The following TNR variants were observed in gnomAD, a reference collection of about 807,000 sequenced individuals.
TNR encodes tenascin-R.
Under a neutral mutation model 150.4 loss-of-function variants are expected in TNR, and 45 were observed. That is an observed-to-expected ratio of 0.30 (90% CI 0.24 to 0.38). The LOEUF is 0.38. TNR is among the 10% of genes least tolerant of loss of function. The pLI is 1.00. For missense variants in TNR, 1,544 were observed against 1,759.1 expected (o/e 0.88, Z 2.19); for synonymous variants, 687 against 678.4 (o/e 1.01, Z -0.20).
chr1:175,334,132 G>A (rs187760451), intron 20 of TNR, among the ~76,000 whole-genome samples: 70 of 152,200 alleles, frequency 4.6e-4, no homozygotes, highest in African/African-American at 1.1e-3. Context: ...CCATATTTGG[G>A]GTGTGAGGAA....
chr1:175,448,132 C>T (rs1252355258), intron 2 of TNR, among the ~76,000 whole-genome samples: 3 of 152,114 alleles, frequency 2.0e-5, no homozygotes. Flanking sequence ...AACTTGGCTT[C>T]TCTGATTAGG....
At chr1:175,453,461 T>C (rs1656419014) in intron 2 of TNR, among the ~76,000 whole-genome samples, 1 of 152,192 alleles carries the variant, frequency 6.6e-6, no homozygotes, top group South Asian at 2.1e-4. Flanking sequence ...AGGGGACCTC[T>C]CTGGGGACAC....
At chr1:175,705,152 GT>G (rs144356456) in intron 1 of TNR, among the ~76,000 whole-genome samples, 7,617 of 152,152 alleles carry the variant, frequency 0.05, 302 homozygotes, top group East Asian at 0.17. Flanking sequence ...ATAGCACCTG[GT>G]TCCTGCCTCC....
At position 175,599,766 on chromosome 1, in the gene TNR, T is replaced by C. The variant is rs1403801835; in HGVS notation, c.-164-71397A>G. On this transcript the variant is annotated intron_variant, in intron 1 of 22. Transcript: ENST00000367674. The surrounding 1 kb of genome is among the most constrained non-coding windows in gnomAD (Gnocchi z 4.7). ...CCATTGGCGGGTTCCCTGCCACCAA[T>C]ATGCAGTCTCACAACCGTTTTCTGT... Among the ~76,000 whole-genome samples the C allele has an allele frequency of 6.6e-6, 1 of 152,188 alleles. No individual in the cohort carries two copies. Among genetic ancestry groups the C allele is most frequent in the Non-Finnish European group, 1.5e-5 (1 of 68,042 alleles).
At chr1:175,533,122 G>T (rs1197777870) in intron 1 of TNR, among the ~76,000 whole-genome samples, 1 of 152,154 alleles carries the variant, frequency 6.6e-6, no homozygotes, top group East Asian at 1.9e-4. Flanking sequence ...TCTCTTTCTT[G>T]TACCTACCTG....
At chr1:175,560,295 C>A (rs181482930) in intron 1 of TNR, among the ~76,000 whole-genome samples, 1 of 152,206 alleles carries the variant, frequency 6.6e-6, no homozygotes, top group African/African-American at 2.4e-5. Context: ...ATGCTTTCTG[C>A]ATCTTCATCT....
At chr1:175,494,805 C>G (rs565815778) in intron 2 of TNR, among the ~76,000 whole-genome samples, 2 of 152,128 alleles carry the variant, frequency 1.3e-5, no homozygotes, top group Non-Finnish European at 2.9e-5. Flanking sequence ...TCAATGATAT[C>G]GAAGAAAAAT....
intron 1 of TNR, among the ~76,000 whole-genome samples, chr1:175,722,176 G>A (rs997962406): frequency 1.1e-4 from 16 of 152,088 alleles, no homozygotes; most frequent in African/African-American, 3.1e-4. Context: ...GGCCATGGAG[G>A]GTTTCATTTC....
intron 2 of TNR, among the ~76,000 whole-genome samples, chr1:175,497,015 G>A (rs1208101134): frequency 6.6e-6 from 1 of 152,200 alleles, no homozygotes; most frequent in Non-Finnish European, 1.5e-5. Context: ...GTGTTAGAGA[G>A]GAGATCCCAA....
intron 2 of TNR, among the ~76,000 whole-genome samples, chr1:175,415,426 T>C (rs1259554027): frequency 6.6e-6 from 1 of 152,186 alleles, no homozygotes; most frequent in Non-Finnish European, 1.5e-5. Flanking sequence ...GGCCCAGAGC[T>C]GTCAACAAGG....
At chr1:175,611,437 A>G (rs2101855430) in intron 1 of TNR, among the ~76,000 whole-genome samples, 1 of 151,606 alleles carries the variant, frequency 6.6e-6, no homozygotes, top group African/African-American at 2.4e-5. Flanking sequence ...GACTTAATCA[A>G]CCCTCCTGTC....
chr1:175,720,508 C>T (rs1022397895), intron 1 of TNR, among the ~76,000 whole-genome samples: 1 of 152,180 alleles, frequency 6.6e-6, no homozygotes, highest in Non-Finnish European at 1.5e-5. Context: ...GACACCTGCC[C>T]CAAGACGGGA....
intron 2 of TNR, among the ~76,000 whole-genome samples, chr1:175,426,618 C>G (rs1481705758): frequency 6.6e-6 from 1 of 151,824 alleles, no homozygotes; most frequent in Non-Finnish European, 1.5e-5. Flanking sequence ...TCAAGGAAGT[C>G]CTGTTTCATC....
intron 1 of TNR, among the ~76,000 whole-genome samples, chr1:175,650,673 T>G (rs1217729714): frequency 3.6e-5 from 2 of 56,218 alleles, no homozygotes; most frequent in East Asian, 1.2e-3. Context: ...TGAGGCTGCC[T>G]CCACCTTATT....
chr1:175,400,185 C>T (rs903332400), intron 4 of TNR, among the ~76,000 whole-genome samples: 3 of 149,686 alleles, frequency 2.0e-5, no homozygotes, highest in African/African-American at 7.4e-5. Flanking sequence ...TTTTTTTAAT[C>T]ATGTGATGGA....
chr1:175,588,102 T>C (rs1662647523), intron 1 of TNR, among the ~76,000 whole-genome samples: 2 of 152,232 alleles, frequency 1.3e-5, no homozygotes, highest in African/African-American at 4.8e-5. Flanking sequence ...AAGTTGGATA[T>C]GACCAAAGGT....
chr1:175,367,765 A>T lies in TNR; in HGVS notation c.1964-468T>A, dbSNP rs1318065402. Among the ~76,000 whole-genome samples, 3 of 152,154 alleles carry T rather than the reference A, an allele frequency of 2.0e-5. No homozygotes were observed. The East Asian group carries it at 5.8e-4, about 29-fold the overall frequency. ...TACACCTTTTACAGGAGCTGAGGCC[A>T]TATGGGGACTCCTGGGTCCCTTCTA... On this transcript the variant is annotated intron_variant, in intron 9 of 22. Coordinates refer to ENST00000367674, the MANE Select transcript of TNR (RefSeq NM_003285.3).
chr1:175,707,165 A>C (rs1666865622), intron 1 of TNR, among the ~76,000 whole-genome samples: 1 of 152,234 alleles, frequency 6.6e-6, no homozygotes, highest in Admixed American at 6.5e-5. Context: ...CATATGCCCT[A>C]GAGCACTTTA....
At chr1:175,391,505 A>G in intron 6 of TNR, 67 bp from the exon 7 acceptor site, 1 of 1,533,776 alleles carries the variant, frequency 6.5e-7, no homozygotes, top group South Asian at 1.2e-5. Context: ...GATGAGAGAA[A>G]GATAAAGGTG....
Sources: allele counts gnomAD v4.1 joint callset (sites outside exome capture counted in the v4.1 genomes callset), GRCh38; gene constraint gnomAD v4.1.1; non-coding constraint Gnocchi (gnomAD v3.1); transcripts MANE v1.5; gene names NCBI Gene and HGNC (gene_info 2026-07-23, HGNC 2026-07-21).